The following LRRC51 variants were observed in gnomAD, a reference collection of about 807,000 sequenced individuals.
The protein encoded by LRRC51 is leucine-rich repeat-containing protein 51.
LRRC51 carries 8 observed loss-of-function variants against 17.8 expected under a neutral mutation model. The observed-to-expected ratio is 0.45, with a 90% confidence interval of 0.26 to 0.81. The LOEUF is 0.81. Ranked by LOEUF, LRRC51 falls within the 30% of genes least tolerant of loss-of-function variation. The pLI is 0.17. For missense variants in LRRC51, 233 were observed against 239.3 expected (o/e 0.97, Z 0.17); for synonymous variants, 92 against 96.0 (o/e 0.96, Z 0.24).
chr11:72,095,110 C>G lies in LRRC51; in HGVS notation c.437+14C>G, dbSNP rs780282081. ...GAAAGGGTATAGGTAAGTGCCCTGC[C>G]CCTGGAGGTAGCGTCTAGCTGGGCT... On this transcript the variant is annotated intron_variant, in intron 5 of 5. Transcript: ENST00000289488. The G allele has an allele frequency of 1.2e-6, 2 of 1,612,384 alleles. No individual in the cohort carries two copies. Among genetic ancestry groups the G allele is most frequent in the Non-Finnish European group, 1.7e-6 (2 of 1,178,928 alleles).
chr11:72,090,092 T>C (rs189479460), intron 3 of LRRC51, among the ~76,000 whole-genome samples: 43 of 152,318 alleles, frequency 2.8e-4, no homozygotes, highest in African/African-American at 1.0e-3. Flanking sequence ...AGTCTTAGAT[T>C]GGGTTTAGGG....
intron 3 of LRRC51, chr11:72,089,390 G>C: frequency 6.8e-7 from 1 of 1,462,516 alleles, no homozygotes. Context: ...CTAAGAACAT[G>C]TGCCCCTGTT....
intron 3 of LRRC51, among the ~76,000 whole-genome samples, chr11:72,091,351 G>T (rs1370575924): frequency 6.6e-6 from 1 of 152,136 alleles, no homozygotes; most frequent in Admixed American, 6.6e-5. Flanking sequence ...ATGAGCTGGG[G>T]TACGCCGTTC....
In LRRC51 at chr11:72,096,477, A is replaced by T; in HGVS notation, c.*957A>T. ...GGTCTCAAACTCCTGACCTCAGGTG[A>T]TCTGCCCACCTCAGCCTCCCAAAGT... On this transcript the variant is annotated 3_prime_UTR_variant, in exon 6 of 6. Coordinates refer to ENST00000289488, the MANE Select transcript of LRRC51 (RefSeq NM_145309.6). The T allele has an allele frequency of 8.9e-7, 1 of 1,118,990 alleles. No homozygotes were observed. The highest frequency in any genetic ancestry group is 1.1e-6 in the Non-Finnish European group (1 of 904,946). 69.3% of individuals were successfully genotyped at this position (1,118,990 alleles called of 1,614,324 possible).
Position 72,095,010 on chromosome 11 carries a change from G to A in LRRC51, c.351G>A (p.Leu117=), listed in dbSNP as rs374399069. 7 of 1,613,936 alleles carry A rather than the reference G, an allele frequency of 4.3e-6. No individual in the cohort carries two copies. The African/African-American group carries it at 9.3e-5, about 22-fold the overall frequency. The change falls in exon 5 of 6, where the codon CTG becomes CTA. Residue 117 remains leucine, a synonymous_variant. Transcript: ENST00000289488. ...LYLHGNSIQR[L]GEVNKLAVLP... is the part of the protein sequence containing the mutation. ...TTCACGGCAACAGCATCCAGCGCCTGGGGGAGGTGAATAAGCTGGCTGTCC... is the reference window on the plus strand; with the variant it reads ...TTCACGGCAACAGCATCCAGCGCCTAGGGGAGGTGAATAAGCTGGCTGTCC...
intron 2 of LRRC51, chr11:72,088,751 C>T: frequency 2.0e-6 from 1 of 512,392 alleles, no homozygotes; most frequent in Non-Finnish European, 3.5e-6. Flanking sequence ...TGGGCAAGTC[C>T]TTTTACCCCT....
Position 72,088,281 on chromosome 11 carries a change from T to G in LRRC51, c.-139-16T>G. 1.5e-6 allele frequency: 1 copy of G among 686,534 alleles called. No individual in the cohort carries two copies. The highest frequency in any genetic ancestry group is 1.5e-5 in the South Asian group (1 of 64,554). 42.5% of individuals were successfully genotyped at this position (686,534 alleles called of 1,614,324 possible). ...TTGCAAGTGACTGATAACAACATTG[T>G]GTTCATCCCTGTCAGGGAGTATTTC... On this transcript the variant is annotated splice_polypyrimidine_tract_variant and intron_variant, in intron 1 of 5. Transcript: ENST00000289488.
rs887115321 is a variant in LRRC51, at chr11:72,095,585, T to A, written c.*65T>A. The A allele has an allele frequency of 1.0e-5, 16 of 1,576,926 alleles. No individual in the cohort carries two copies. The highest frequency in any genetic ancestry group is 1.4e-5 in the Non-Finnish European group (16 of 1,160,490). On this transcript the variant is annotated 3_prime_UTR_variant, in exon 6 of 6. Coordinates refer to ENST00000289488, the MANE Select transcript of LRRC51 (RefSeq NM_145309.6). ...GACAGCATGGTTTGACAATAAATAA[T>A]TTGAGCTGTTGAGCAGATGAGAAGT...
chr11:72,086,051 T>A (rs1944514914), intron 1 of LRRC51: 1 of 189,934 alleles, frequency 5.3e-6, no homozygotes, highest in Admixed American at 6.0e-5. Context: ...AGCATCAGAG[T>A]GAGATGGGAC....
At chr11:72,088,622 A>G in intron 2 of LRRC51, 1 of 570,574 alleles carries the variant, frequency 1.8e-6, no homozygotes, top group South Asian at 2.2e-5. Context: ...GTTGATGTCA[A>G]CAGAGGGTGG....
In LRRC51 at chr11:72,094,877, C is replaced by G. The variant is rs1347077396; in HGVS notation, c.289-71C>G. On this transcript the variant is annotated intron_variant, in intron 4 of 5. Coordinates refer to ENST00000289488, the MANE Select transcript of LRRC51 (RefSeq NM_145309.6). Reference sequence around the variant, plus strand: ...CCCCACATTCTTCCTTCTCTGCCCACGAGTCAGCCCTGAGCAGAGATTCAG... The same window carrying G: ...CCCCACATTCTTCCTTCTCTGCCCAGGAGTCAGCCCTGAGCAGAGATTCAG... The G allele has an allele frequency of 3.1e-6, 5 of 1,614,150 alleles. No individual in the cohort carries two copies. The African/African-American group carries it at 4.0e-5, about 13-fold the overall frequency.
chr11:72,091,926 G>A (rs753907309), intron 3 of LRRC51, among the ~76,000 whole-genome samples: 15 of 152,132 alleles, frequency 9.9e-5, no homozygotes, highest in Non-Finnish European at 1.3e-4. Flanking sequence ...CTGCCTCCAG[G>A]CCCTTGCCAT....
In LRRC51 at chr11:72,096,805, C is replaced by G; in HGVS notation, c.*1285C>G. 1.5e-6 allele frequency: 2 copies of G among 1,374,452 alleles called. No homozygotes were observed. The highest frequency in any genetic ancestry group is 1.9e-6 in the Non-Finnish European group (2 of 1,044,048). 85.1% of individuals were successfully genotyped at this position (1,374,452 alleles called of 1,614,324 possible). A position where few individuals can be genotyped will look rare whatever the true frequency, so the allele number is the denominator to read the frequency against. On this transcript the variant is annotated 3_prime_UTR_variant, in exon 6 of 6. Transcript: ENST00000289488. ...CTATGATCTCTGAAACCAGCCCCCACTTCAATCAGATCAAAGTAATTCCAT... is the reference window on the plus strand; with the variant it reads ...CTATGATCTCTGAAACCAGCCCCCAGTTCAATCAGATCAAAGTAATTCCAT...
At chr11:72,092,315 A>G (rs538097818) in intron 3 of LRRC51, among the ~76,000 whole-genome samples, 4 of 152,230 alleles carry the variant, frequency 2.6e-5, no homozygotes, top group South Asian at 2.1e-4. Context: ...CACATTCCCA[A>G]TGCTATTTCT....
At chr11:72,088,663 T>C (rs1430867651) in intron 2 of LRRC51, 3 of 546,890 alleles carry the variant, frequency 5.5e-6, no homozygotes, top group South Asian at 4.4e-5. Context: ...GTAACTACTG[T>C]AGAGTAACAG....
intron 1 of LRRC51, among the ~76,000 whole-genome samples, chr11:72,087,417 C>A (rs1944602955): frequency 6.6e-6 from 1 of 151,850 alleles, no homozygotes; most frequent in African/African-American, 2.4e-5. Flanking sequence ...TCAAGCAATC[C>A]AACTGCCTCA....
At chr11:72,093,881 T>C (rs910383006) in intron 4 of LRRC51, among the ~76,000 whole-genome samples, 180 bp downstream of exon 4, 2 of 152,228 alleles carry the variant, frequency 1.3e-5, no homozygotes, top group Non-Finnish European at 2.9e-5. Flanking sequence ...TGCCTCTTAC[T>C]GACTGTGACT....
chr11:72,086,102 C>T (rs761664058), intron 1 of LRRC51: 9 of 312,220 alleles, frequency 2.9e-5, no homozygotes, highest in Non-Finnish European at 4.7e-5. Flanking sequence ...CAGGGGAGAC[C>T]ATGAATAGGG....
intron 4 of LRRC51, among the ~76,000 whole-genome samples, chr11:72,094,194 G>A (rs895202955): frequency 1.1e-4 from 16 of 151,662 alleles, no homozygotes; most frequent in Non-Finnish European, 8.8e-5. Flanking sequence ...GCTGAGGCAG[G>A]AGAATCACTT....
Sources: gnomAD v4.1 joint callset for allele counts (sites outside exome capture counted in the v4.1 genomes callset) on GRCh38, gnomAD v4.1.1 for gene constraint, MANE v1.5 for transcripts, NCBI Gene and HGNC (gene_info 2026-07-23, HGNC 2026-07-21) for gene names.